Variants in ST6GALNAC3 observed in about 807,000 individuals in gnomAD.
ST6GALNAC3 encodes ST6 N-acetylgalactosaminide alpha-2,6-sialyltransferase 3.
A neutral mutation model predicts 32.7 loss-of-function variants in ST6GALNAC3; 25 were observed. The observed-to-expected ratio is 0.76, with a 90% CI of 0.56 to 1.07. The LOEUF (loss-of-function observed/expected upper bound fraction) is 1.07, where lower values mean the gene tolerates loss of function less well. Among genes scored for constraint, ST6GALNAC3 ranks in the 50% least tolerant of loss-of-function variants. ST6GALNAC3 has a pLI of 0.00. For synonymous variants in ST6GALNAC3, 129 were observed against 133.1 expected (o/e 0.97, Z 0.21); for missense variants, 355 against 382.4 (o/e 0.93, Z 0.60).
intron 1 of ST6GALNAC3, among the ~76,000 whole-genome samples, chr1:76,303,876 T>G (rs2100857514): frequency 6.6e-6 from 1 of 152,150 alleles, no homozygotes. Flanking sequence ...AAGTCCAGTT[T>G]AACAAATGTT....
intron 2 of ST6GALNAC3, among the ~76,000 whole-genome samples, chr1:76,403,406 C>T (rs1653577869): frequency 6.6e-6 from 1 of 152,062 alleles, no homozygotes; most frequent in Non-Finnish European, 1.5e-5. Flanking sequence ...CAGCATCTTC[C>T]CTAAGGATTC....
chr1:76,101,590 A>G (rs1234520137), intron 1 of ST6GALNAC3, among the ~76,000 whole-genome samples: 1 of 152,002 alleles, frequency 6.6e-6, no homozygotes, highest in African/African-American at 2.4e-5. Flanking sequence ...CTCTTTATCC[A>G]TTTCCTTTCT....
At chr1:76,241,802 G>A (rs890737752) in intron 1 of ST6GALNAC3, among the ~76,000 whole-genome samples, 4 of 152,042 alleles carry the variant, frequency 2.6e-5, no homozygotes, top group Middle Eastern at 3.2e-3. Context: ...AATAAAATAC[G>A]TTATTAAAAT....
intron 3 of ST6GALNAC3, among the ~76,000 whole-genome samples, chr1:76,512,090 T>G (rs1391930134): frequency 6.6e-6 from 1 of 152,196 alleles, no homozygotes; most frequent in Non-Finnish European, 1.5e-5. Context: ...TTCCTGACAT[T>G]AATCTCTTCT....
intron 1 of ST6GALNAC3, among the ~76,000 whole-genome samples, chr1:76,264,154 C>T (rs763262071): frequency 5.3e-5 from 8 of 152,014 alleles, no homozygotes; most frequent in Admixed American, 2.0e-4. Context: ...AACTTCTCAG[C>T]GAGTAGATAA....
At chr1:76,285,669 A>C (rs1394810090) in intron 1 of ST6GALNAC3, among the ~76,000 whole-genome samples, 1 of 152,148 alleles carries the variant, frequency 6.6e-6, no homozygotes, top group Non-Finnish European at 1.5e-5. Context: ...AGAAGTGACT[A>C]GGGCCAAAAA....
intron 3 of ST6GALNAC3, among the ~76,000 whole-genome samples, chr1:76,487,275 C>T (rs561604516): frequency 6.6e-6 from 1 of 152,248 alleles, no homozygotes; most frequent in South Asian, 2.1e-4. Flanking sequence ...GTTGGCCTGC[C>T]TCGCTAGGTT....
At chr1:76,597,471 C>G (rs1295997401) in intron 3 of ST6GALNAC3, among the ~76,000 whole-genome samples, 1 of 151,986 alleles carries the variant, frequency 6.6e-6, no homozygotes, top group Non-Finnish European at 1.5e-5. Flanking sequence ...AAATCCTAAC[C>G]CCCAAGGTGA....
At chr1:76,285,399 T>TGTGTGTGTGTGTGC (rs1340735425) in intron 1 of ST6GALNAC3, among the ~76,000 whole-genome samples, 1 of 151,842 alleles carries the variant, frequency 6.6e-6, no homozygotes, top group African/African-American at 2.4e-5. Context: ...TGTGTGTGTG[T>TGTGTGTGTGTGTGC]GTGTGTGTGT....
At chr1:76,464,493 G>C (rs1023226131) in intron 3 of ST6GALNAC3, among the ~76,000 whole-genome samples, 2 of 152,158 alleles carry the variant, frequency 1.3e-5, no homozygotes, top group African/African-American at 2.4e-5. Flanking sequence ...GGGAGGAATA[G>C]TCTTACAGAA....
intron 1 of ST6GALNAC3, among the ~76,000 whole-genome samples, chr1:76,236,023 T>G (rs1656635834): frequency 6.6e-6 from 1 of 152,080 alleles, no homozygotes; most frequent in South Asian, 2.1e-4. Flanking sequence ...TTGCCCAGGC[T>G]GGAGTGCAAG....
At chr1:76,238,785 G>C (rs1656802855) in intron 1 of ST6GALNAC3, among the ~76,000 whole-genome samples, 1 of 152,094 alleles carries the variant, frequency 6.6e-6, no homozygotes, top group Admixed American at 6.6e-5. Context: ...TTTTCCTCGG[G>C]CAGGAAATAT....
At position 76,293,575 on chromosome 1, in the gene ST6GALNAC3, A is replaced by C. The variant is rs554628480; in HGVS notation, c.19-20230A>C. On this transcript the variant is annotated intron_variant, in intron 1 of 4. Coordinates refer to ENST00000328299, the MANE Select transcript of ST6GALNAC3 (RefSeq NM_152996.4). ...CTAAGGTCCAAGTGACACCAAAGGCAGGTGTCCTTTCCTGTTTATCATAGC... is the reference window on the plus strand; with the variant it reads ...CTAAGGTCCAAGTGACACCAAAGGCCGGTGTCCTTTCCTGTTTATCATAGC... Among the ~76,000 whole-genome samples, 213 of 152,358 alleles carry C rather than the reference A, an allele frequency of 1.4e-3. 1 individual carries two copies. Among genetic ancestry groups the C allele is most frequent in the African/African-American group, 5.0e-3 (207 of 41,582 alleles).
chr1:76,371,890 C>A (rs1650853045), intron 2 of ST6GALNAC3, among the ~76,000 whole-genome samples: 1 of 152,064 alleles, frequency 6.6e-6, no homozygotes, highest in Non-Finnish European at 1.5e-5. Context: ...ATATATTAGT[C>A]ACAAACAGTA....
intron 1 of ST6GALNAC3, among the ~76,000 whole-genome samples, chr1:76,231,494 G>A (rs948515439): frequency 6.6e-5 from 10 of 152,082 alleles, no homozygotes; most frequent in African/African-American, 2.2e-4. Context: ...AACAACTTCT[G>A]TTTCTCCCTC....
chr1:76,237,125 CT>C (rs1370782839), intron 1 of ST6GALNAC3, among the ~76,000 whole-genome samples: 1 of 152,162 alleles, frequency 6.6e-6, no homozygotes, highest in Admixed American at 6.5e-5. Flanking sequence ...AAATAACTTA[CT>C]TGGGATCAAT....
intron 2 of ST6GALNAC3, among the ~76,000 whole-genome samples, chr1:76,384,509 T>C (rs956035772): frequency 7.9e-5 from 12 of 152,180 alleles, no homozygotes; most frequent in African/African-American, 1.2e-4. Context: ...GAAGATTTAG[T>C]AGATTTGAAT....
chr1:76,416,039 A>G (rs1467583263), intron 3 of ST6GALNAC3, among the ~76,000 whole-genome samples: 1 of 26,482 alleles, frequency 3.8e-5, no homozygotes, highest in Non-Finnish European at 9.2e-5. Flanking sequence ...TCCACAACAC[A>G]CACACACACA....
chr1:76,186,095 C>G (rs541538936), intron 1 of ST6GALNAC3, among the ~76,000 whole-genome samples: 5 of 152,184 alleles, frequency 3.3e-5, no homozygotes, highest in African/African-American at 1.2e-4. Flanking sequence ...TTCTCTTATA[C>G]CCAGTTCTCC....
Sources: allele counts gnomAD v4.1 joint callset (sites outside exome capture counted in the v4.1 genomes callset), GRCh38; gene constraint gnomAD v4.1.1; transcripts MANE v1.5; gene names NCBI Gene and HGNC (gene_info 2026-07-23, HGNC 2026-07-21).